Variants in ASIC2 observed in about 807,000 individuals in gnomAD.
ASIC2 encodes the protein acid sensing ion channel subunit 2, also known as acid-sensing ion channel 2.
In ASIC2, 25 loss-of-function variants were observed where a neutral mutation model predicts 57.3. That is an observed-to-expected ratio of 0.44 (90% CI 0.32 to 0.61). The LOEUF (loss-of-function observed/expected upper bound fraction) is 0.61, where lower values mean the gene tolerates loss of function less well. Ranked by LOEUF, ASIC2 falls within the 20% of genes least tolerant of loss-of-function variation. The probability of loss-of-function intolerance (pLI) is 0.06; values close to 1 mark genes in which losing one functional copy is unlikely to be tolerated. For synonymous variants in ASIC2, 319 were observed against 307.5 expected, an observed-to-expected ratio of 1.04 and a Z score of -0.39; for missense variants, 641 against 738.1, an observed-to-expected ratio of 0.87 and a Z score of 1.52.
At position 33,151,766 on chromosome 17, in the gene ASIC2, T is replaced by A. The variant is rs1424884585; in HGVS notation, c.709-39699A>T. On this transcript the variant is annotated intron_variant, in intron 1 of 9. Coordinates refer to ENST00000225823, the MANE Select transcript of ASIC2 (RefSeq NM_183377.2). ...ATGGGATGACGCACCAAGAAAGGCC[T>A]TGCCAGATGCAGGCTCTTCGACCTT... is the stretch of plus-strand genomic sequence containing the variant. 2.6e-5 allele frequency among the ~76,000 whole-genome samples: 4 copies of A among 152,318 alleles called. No individual in the cohort carries two copies. In the East Asian group the frequency reaches 7.7e-4, roughly 29 times the overall value.
At chr17:33,458,180 A>T (rs1326009817) in intron 1 of ASIC2, among the ~76,000 whole-genome samples, 1 of 152,144 alleles carries the variant, frequency 6.6e-6, no homozygotes, top group Non-Finnish European at 1.5e-5. Context: ...GAAGCCTCGA[A>T]TCTCTAGGTG....
At chr17:33,327,421 A>G (rs1907121329) in intron 1 of ASIC2, among the ~76,000 whole-genome samples, 1 of 152,220 alleles carries the variant, frequency 6.6e-6, no homozygotes, top group Non-Finnish European at 1.5e-5. Flanking sequence ...ATAAATATAC[A>G]GTAGTTACCT....
At chr17:33,929,682 C>T (rs998957558) in intron 1 of ASIC2, among the ~76,000 whole-genome samples, 11 of 152,176 alleles carry the variant, frequency 7.2e-5, no homozygotes, top group Admixed American at 5.9e-4. Flanking sequence ...GGAGGAGGTG[C>T]CCTGACTCTG....
intron 1 of ASIC2, chr17:33,688,948 G>C (rs1203703856): frequency 6.6e-5 from 10 of 152,208 alleles, no homozygotes; most frequent in Non-Finnish European, 1.2e-4. Flanking sequence ...CACCTGATGT[G>C]CACAGCTGCT....
At chr17:33,848,874 C>A (rs317394) in intron 1 of ASIC2, among the ~76,000 whole-genome samples, 1 of 152,026 alleles carries the variant, frequency 6.6e-6, no homozygotes, top group Non-Finnish European at 1.5e-5. Context: ...ACATTATATG[C>A]ACATATCTAT....
Position 33,353,919 on chromosome 17 carries a change from A to T in ASIC2, c.556-241852T>A, listed in dbSNP as rs142822372. Reference sequence around the variant, plus strand: ...CCATTCTCTTGCTGTGAATAAAGACATACCTAAGACTGGGTAATTTATAAA... The same window carrying T: ...CCATTCTCTTGCTGTGAATAAAGACTTACCTAAGACTGGGTAATTTATAAA... On this transcript the variant is annotated intron_variant, in intron 1 of 9. Transcript: ENST00000359872. Among the ~76,000 whole-genome samples the T allele has an allele frequency of 1.1e-4, 17 of 152,312 alleles. No homozygotes were observed. In the East Asian group the frequency reaches 3.1e-3, roughly 28 times the overall value.
In ASIC2 at chr17:33,662,729, C is replaced by CCTCT. The variant is rs1205975874; in HGVS notation, c.555+493248_555+493249insAGAG. Among the ~76,000 whole-genome samples the CCTCT allele has an allele frequency of 6.1e-5, 9 of 148,524 alleles. No individual in the cohort carries two copies. In the South Asian group the frequency reaches 1.5e-3, roughly 25 times the overall value. On this transcript the variant is annotated intron_variant, in intron 1 of 9. Coordinates refer to the ASIC2 transcript ENST00000359872. ...TTTAGTACTGTTTCCTCCCTCCCTC[C>CCTCT]CTCCCTCCTTCCCTCCCTTCCTTCC...
intron 1 of ASIC2, among the ~76,000 whole-genome samples, chr17:33,527,881 T>C (rs1439189926): frequency 6.6e-6 from 1 of 152,082 alleles, no homozygotes; most frequent in Non-Finnish European, 1.5e-5. Flanking sequence ...TGACTCCCAT[T>C]GGACAGAGGG....
chr17:33,354,100 G>C (rs998290754), intron 1 of ASIC2, among the ~76,000 whole-genome samples: 18 of 152,144 alleles, frequency 1.2e-4, no homozygotes, highest in Non-Finnish European at 2.2e-4. Flanking sequence ...GATTTGGTGA[G>C]ACTTATTCAC....
chr17:33,429,281 CA>C (rs1911321933), intron 1 of ASIC2, among the ~76,000 whole-genome samples: 1 of 152,094 alleles, frequency 6.6e-6, no homozygotes, highest in African/African-American at 2.4e-5. Flanking sequence ...TTAGTAGAGA[CA>C]AATAAGAGAT....
At chr17:33,765,011 C>A (rs1228980175) in intron 1 of ASIC2, among the ~76,000 whole-genome samples, 9 of 150,812 alleles carry the variant, frequency 6.0e-5, no homozygotes, top group Admixed American at 2.6e-4. Flanking sequence ...CGTGTCAGCA[C>A]CCTTGCTCTT....
At chr17:33,028,127 A>G in intron 4 of ASIC2, 115 bp downstream of exon 4, 1 of 1,395,368 alleles carries the variant, frequency 7.2e-7, no homozygotes, top group East Asian at 2.4e-5. Context: ...TTCCCAGAAC[A>G]TCATCCTTTT....
intron 1 of ASIC2, among the ~76,000 whole-genome samples, chr17:33,499,750 T>A (rs868650158): frequency 2.6e-5 from 4 of 152,368 alleles, no homozygotes; most frequent in Middle Eastern, 3.4e-3. Context: ...AGGTGTCACC[T>A]GCCATGCCTT....
intron 1 of ASIC2, among the ~76,000 whole-genome samples, chr17:33,814,991 T>C (rs995633588): frequency 8.5e-5 from 13 of 152,166 alleles, no homozygotes; most frequent in African/African-American, 3.1e-4. Context: ...GTGAGCCTTG[T>C]TGGTATTTGT....
intron 1 of ASIC2, among the ~76,000 whole-genome samples, chr17:33,937,521 C>T (rs1270738821): frequency 6.6e-6 from 1 of 152,072 alleles, no homozygotes; most frequent in Non-Finnish European, 1.5e-5. Context: ...ACTTGTGACT[C>T]TACTAACATT....
intron 1 of ASIC2, among the ~76,000 whole-genome samples, chr17:33,927,251 A>G (rs1341938379): frequency 1.3e-5 from 2 of 152,078 alleles, no homozygotes; most frequent in Non-Finnish European, 2.9e-5. Flanking sequence ...CATTTTGAAT[A>G]TTGGATTTTC....
intron 1 of ASIC2, among the ~76,000 whole-genome samples, chr17:34,073,476 T>C (rs1404851246): frequency 1.3e-5 from 2 of 152,098 alleles, no homozygotes; most frequent in African/African-American, 2.4e-5. Flanking sequence ...TTGGCTGGTA[T>C]AGGTTGTGGC....
chr17:33,932,741 A>AAAATAT (rs1555572867), intron 1 of ASIC2: 12 of 58,704 alleles, frequency 2.0e-4, no homozygotes, highest in African/African-American at 7.4e-4. Context: ...AAAAAAAAAA[A>AAAATAT]ATATATATAT....
At chr17:33,422,262 A>G (rs915131459) in intron 1 of ASIC2, among the ~76,000 whole-genome samples, 1 of 152,206 alleles carries the variant, frequency 6.6e-6, no homozygotes, top group Non-Finnish European at 1.5e-5. Context: ...TTGGCTCCTG[A>G]GGATGAAATG....
Sources: gnomAD v4.1 joint callset for allele counts (sites outside exome capture counted in the v4.1 genomes callset) on GRCh38, gnomAD v4.1.1 for gene constraint, MANE v1.5 for transcripts, NCBI Gene and HGNC (gene_info 2026-07-23, HGNC 2026-07-21) for gene names.